ASCC3: variants seen among roughly 807,000 people sequenced by gnomAD.
ASCC3 encodes the protein activating signal cointegrator 1 complex subunit 3.
Under a neutral mutation model 256.3 loss-of-function variants are expected in ASCC3, and 158 were observed. That is an observed-to-expected ratio of 0.62 (90% CI 0.54 to 0.70). The LOEUF (loss-of-function observed/expected upper bound fraction) is 0.70, where lower values mean the gene tolerates loss of function less well. ASCC3 is among the 30% of genes least tolerant of loss of function. The pLI, the probability that ASCC3 is intolerant of heterozygous loss-of-function variation, is 0.00. For missense variants in ASCC3, 2,259 were observed against 2,626.0 expected (o/e 0.86, Z 3.05); for synonymous variants, 948 against 883.4 (o/e 1.07, Z -1.30).
At chr6:100,586,756 C>G (rs181426595) in intron 36 of ASCC3, among the ~76,000 whole-genome samples, 1 of 152,258 alleles carries the variant, frequency 6.6e-6, no homozygotes, top group Admixed American at 6.5e-5. Flanking sequence ...TCCTAAAAAT[C>G]TTAATGAACC....
chr6:100,653,652 G>T (rs576660780), intron 17 of ASCC3, among the ~76,000 whole-genome samples: 28 of 150,934 alleles, frequency 1.9e-4, no homozygotes, highest in Middle Eastern at 3.5e-3. Context: ...GCGTGATCTT[G>T]GCTCACTTTA....
intron 4 of ASCC3, among the ~76,000 whole-genome samples, chr6:100,829,970 A>G (rs966555250): frequency 6.6e-6 from 1 of 152,084 alleles, no homozygotes; most frequent in Admixed American, 6.5e-5. Context: ...AGCTAATATG[A>G]TAATCAAGGA....
At chr6:100,763,718 A>G (rs1781516926) in intron 10 of ASCC3, among the ~76,000 whole-genome samples, 1 of 152,194 alleles carries the variant, frequency 6.6e-6, no homozygotes, top group Non-Finnish European at 1.5e-5. Context: ...GGTGGTCCAC[A>G]ATGTTAATTA....
At chr6:100,625,822 G>T (rs535800999) in intron 29 of ASCC3, among the ~76,000 whole-genome samples, 1 of 152,196 alleles carries the variant, frequency 6.6e-6, no homozygotes, top group East Asian at 1.9e-4. Flanking sequence ...TTTTATTTTT[G>T]TTATCAGTGA....
chr6:100,831,660 G>A (rs1327896431), intron 4 of ASCC3, among the ~76,000 whole-genome samples: 2 of 152,150 alleles, frequency 1.3e-5, no homozygotes, highest in African/African-American at 4.8e-5. Flanking sequence ...AGGGCATGGA[G>A]TAAGGAGGAA....
At chr6:100,735,760 G>A (rs1224526159) in intron 10 of ASCC3, among the ~76,000 whole-genome samples, 2 of 151,986 alleles carry the variant, frequency 1.3e-5, no homozygotes, top group African/African-American at 4.8e-5. Flanking sequence ...AAAAGACATA[G>A]TATTATGCAC....
intron 8 of ASCC3, 93 bp from the exon 9 acceptor site, chr6:100,767,438 TAA>T: frequency 7.6e-7 from 1 of 1,310,322 alleles, no homozygotes; most frequent in Non-Finnish European, 1.1e-6. Flanking sequence ...CTTTGTTTTT[TAA>T]AAAAAAGACT....
chr6:100,577,734 CCACCCACCCACACACACACACACA>C (rs1163751094), intron 36 of ASCC3, among the ~76,000 whole-genome samples: 1 of 150,598 alleles, frequency 6.6e-6, no homozygotes, highest in Non-Finnish European at 1.5e-5. Context: ...ACACACACAC[CCACCCACCCACACACACACACACA>C]CTCTCTCACA....
chr6:100,641,342 C>T (rs1453368379), intron 24 of ASCC3, among the ~76,000 whole-genome samples: 3 of 152,174 alleles, frequency 2.0e-5, no homozygotes, highest in Non-Finnish European at 4.4e-5. Context: ...TATTTCCCCA[C>T]ATCCTCTCCA....
chr6:100,862,126 A>T (rs1298400667), intron 3 of ASCC3, among the ~76,000 whole-genome samples: 2 of 152,156 alleles, frequency 1.3e-5, no homozygotes, highest in African/African-American at 4.8e-5. Context: ...GAGGGTTAAG[A>T]TCCTAGTCAA....
Position 100,647,359 on chromosome 6 carries a change from G to C in ASCC3, c.3345C>G (p.Val1115=), listed in dbSNP as rs749412720. 1 of 1,613,958 alleles carries C rather than the reference G, an allele frequency of 6.2e-7. No homozygotes were observed. Among genetic ancestry groups the C allele is most frequent in the Non-Finnish European group, 8.5e-7 (1 of 1,179,934 alleles). Residue 1115 remains valine, a synonymous_variant, in exon 21 of 42, where the codon GTC becomes GTG. Transcript: ENST00000369162. ...CCCAACCCCAAAGCCTCTTGTCAAT[G>C]ACTTTACTAAGATTCAGGAGCCTGT... ...MTYRLLNLSK[V]IDKRLWGWAS...
chr6:100,728,845 T>C (rs144726296), intron 10 of ASCC3, among the ~76,000 whole-genome samples: 1 of 152,238 alleles, frequency 6.6e-6, no homozygotes, highest in African/African-American at 2.4e-5. Flanking sequence ...TCATATTCCA[T>C]GTTTATGGGG....
chr6:100,670,627 A>C (rs1159007997), intron 14 of ASCC3, among the ~76,000 whole-genome samples: 1 of 141,592 alleles, frequency 7.1e-6, no homozygotes, highest in Non-Finnish European at 1.5e-5. Flanking sequence ...GAACAGATAC[A>C]ACCAACTTTT....
intron 36 of ASCC3, among the ~76,000 whole-genome samples, chr6:100,559,547 G>A (rs1259125868): frequency 6.6e-6 from 1 of 152,066 alleles, no homozygotes; most frequent in Non-Finnish European, 1.5e-5. Context: ...ATAGTCATTG[G>A]ACGTATAAAT....
intron 36 of ASCC3, among the ~76,000 whole-genome samples, chr6:100,579,613 T>A (rs918998764): frequency 7.3e-5 from 11 of 151,528 alleles, no homozygotes; most frequent in Non-Finnish European, 1.6e-4. Context: ...TTTTCCCATT[T>A]TTTTTGGTTA....
At chr6:100,851,309 A>G (rs1308860786) in intron 3 of ASCC3, among the ~76,000 whole-genome samples, 1 of 152,234 alleles carries the variant, frequency 6.6e-6, no homozygotes, top group Admixed American at 6.5e-5. Flanking sequence ...GGTCACCTTA[A>G]GAAATCAAAT....
At chr6:100,634,627 T>C (rs758415607) in intron 25 of ASCC3, among the ~76,000 whole-genome samples, 1 of 152,034 alleles carries the variant, frequency 6.6e-6, no homozygotes, top group Non-Finnish European at 1.5e-5. Flanking sequence ...CAAATGGCCA[T>C]TGGATACATG....
At chr6:100,847,714 C>T (rs1772451008) in intron 4 of ASCC3, among the ~76,000 whole-genome samples, 2 of 152,146 alleles carry the variant, frequency 1.3e-5, no homozygotes, top group Admixed American at 6.5e-5. Flanking sequence ...GAAAACTGAG[C>T]TTCTGAGAGA....
chr6:100,636,646 G>A (rs977007869), intron 25 of ASCC3, among the ~76,000 whole-genome samples: 1 of 152,158 alleles, frequency 6.6e-6, no homozygotes. Flanking sequence ...TTAATACCAA[G>A]GAGTTAGCCA....
Sources: gnomAD v4.1 joint callset for allele counts (sites outside exome capture counted in the v4.1 genomes callset) on GRCh38, gnomAD v4.1.1 for gene constraint, MANE v1.5 for transcripts, NCBI Gene and HGNC (gene_info 2026-07-23, HGNC 2026-07-21) for gene names.